The following CRPPA variants were observed in gnomAD, a reference collection of about 807,000 sequenced individuals.
CRPPA encodes the protein CDP-L-ribitol pyrophosphorylase A.
CRPPA carries 43 observed loss-of-function variants against 52.0 expected under a neutral mutation model. That is an observed-to-expected ratio of 0.83 (90% CI 0.65 to 1.07). CRPPA has a LOEUF of 1.07. Among genes scored for constraint, CRPPA ranks in the 50% least tolerant of loss-of-function variants. CRPPA has a pLI of 0.00. For synonymous variants in CRPPA, 250 were observed against 203.5 expected, an observed-to-expected ratio of 1.23 and a Z score of -1.94; for missense variants, 629 against 551.7, an observed-to-expected ratio of 1.14 and a Z score of -1.40.
Position 16,421,440 on chromosome 7 carries a change from G to T in CRPPA, c.-118C>A, listed in dbSNP as rs1396926636. On this transcript the variant is annotated 5_prime_UTR_variant, in exon 1 of 10. Transcript: ENST00000407010. ...GACCACGGAGAGGGACGCAGAGCGC[G>T]CAAGCAGAAGGCGCCCCCCTCAGCC... 7 of 1,023,000 alleles carry T rather than the reference G, an allele frequency of 6.8e-6. No homozygotes were observed. In the East Asian group the frequency reaches 1.1e-4, roughly 16 times the overall value. The allele number at this position is 1,023,000 out of a possible 1,614,324, so 63.4% of individuals were successfully genotyped here.
At chr7:16,384,625 C>G (rs10278294) in intron 2 of CRPPA, among the ~76,000 whole-genome samples, 2,283 of 152,340 alleles carry the variant, frequency 0.015, 63 homozygotes, top group African/African-American at 0.051. Flanking sequence ...GAGAGCCCCA[C>G]TGAAACCTTT....
intron 2 of CRPPA, among the ~76,000 whole-genome samples, chr7:16,380,461 T>A (rs1401593732): frequency 6.6e-6 from 1 of 152,176 alleles, no homozygotes; most frequent in Non-Finnish European, 1.5e-5. Context: ...CTTTTTTAGT[T>A]GTGTCTCTGC....
At chr7:16,118,436 T>G (rs954805341) in intron 9 of CRPPA, among the ~76,000 whole-genome samples, 1 of 152,182 alleles carries the variant, frequency 6.6e-6, no homozygotes, top group South Asian at 2.1e-4. Flanking sequence ...CCAGAAAACA[T>G]GCATCCAAGC....
chr7:16,120,814 T>A (rs1327528086), intron 9 of CRPPA, among the ~76,000 whole-genome samples: 1 of 152,044 alleles, frequency 6.6e-6, no homozygotes, highest in Non-Finnish European at 1.5e-5. Context: ...TCTTAATAGA[T>A]GATGAAGCAA....
chr7:16,265,560 A>G (rs2128414528), intron 6 of CRPPA, among the ~76,000 whole-genome samples: 1 of 152,312 alleles, frequency 6.6e-6, no homozygotes, highest in Non-Finnish European at 1.5e-5. Context: ...GTGTACTGTC[A>G]AGTCATTCAT....
intron 6 of CRPPA, chr7:16,270,149 A>C (rs544580725): frequency 1.3e-5 from 2 of 152,264 alleles, no homozygotes; most frequent in Non-Finnish European, 2.9e-5. Flanking sequence ...ATACATGCCC[A>C]AAAATTGGTG....
intron 3 of CRPPA, among the ~76,000 whole-genome samples, chr7:16,312,306 G>C (rs1017126493): frequency 6.6e-6 from 1 of 151,850 alleles, no homozygotes; most frequent in Non-Finnish European, 1.5e-5. Flanking sequence ...GAGTTTTGCA[G>C]TTTTCCTCAA....
At chr7:16,145,173 A>T (rs1006931092) in intron 9 of CRPPA, among the ~76,000 whole-genome samples, 1 of 152,140 alleles carries the variant, frequency 6.6e-6, no homozygotes, top group African/African-American at 2.4e-5. Context: ...AAGCAGTTCT[A>T]CCTATTTAGG....
At chr7:16,276,622 G>A (rs1263001819) in intron 6 of CRPPA, 1 of 152,164 alleles carries the variant, frequency 6.6e-6, no homozygotes, top group Non-Finnish European at 1.5e-5. Context: ...GGAATACTGT[G>A]CCCATGAGCC....
intron 1 of CRPPA, among the ~76,000 whole-genome samples, chr7:16,406,647 T>C (rs987523856): frequency 2.0e-5 from 3 of 152,204 alleles, no homozygotes; most frequent in African/African-American, 7.2e-5. Context: ...AATTAGAATA[T>C]AGATTGTATG....
At chr7:16,350,188 T>C (rs1248675525) in intron 3 of CRPPA, among the ~76,000 whole-genome samples, 1 of 152,064 alleles carries the variant, frequency 6.6e-6, no homozygotes, top group Non-Finnish European at 1.5e-5. Context: ...ATAAAGACAT[T>C]GTCATACAAA....
chr7:16,128,812 G>A (rs1782628963), intron 9 of CRPPA, among the ~76,000 whole-genome samples: 1 of 152,042 alleles, frequency 6.6e-6, no homozygotes, highest in African/African-American at 2.4e-5. Context: ...TATGGAAACA[G>A]AAAGCAAAGT....
chr7:16,398,176 C>T (rs1054014810), intron 2 of CRPPA, among the ~76,000 whole-genome samples: 2 of 151,952 alleles, frequency 1.3e-5, no homozygotes, highest in African/African-American at 2.4e-5. Flanking sequence ...GACACATGAT[C>T]GGCCTGTTGC....
intron 5 of CRPPA, among the ~76,000 whole-genome samples, chr7:16,291,846 C>T (rs963393517): frequency 6.6e-6 from 1 of 151,732 alleles, no homozygotes; most frequent in Admixed American, 6.6e-5. Flanking sequence ...AAATACATAC[C>T]AATTTTTAAA....
chr7:16,306,543 C>G (rs1270086388), intron 4 of CRPPA, among the ~76,000 whole-genome samples: 2 of 152,190 alleles, frequency 1.3e-5, no homozygotes, highest in East Asian at 1.9e-4. Flanking sequence ...GCTTTACAAA[C>G]TTGATGAGGG....
chr7:16,251,950 T>C (rs1436776032), intron 8 of CRPPA, among the ~76,000 whole-genome samples: 1 of 151,980 alleles, frequency 6.6e-6, no homozygotes, highest in Non-Finnish European at 1.5e-5. Flanking sequence ...GATGACATTT[T>C]GAAAAGATTG....
intron 9 of CRPPA, among the ~76,000 whole-genome samples, chr7:16,186,876 G>C (rs1781514624): frequency 6.6e-6 from 1 of 152,134 alleles, no homozygotes; most frequent in Non-Finnish European, 1.5e-5. Flanking sequence ...ACCATCAATG[G>C]ATTCAATGCA....
rs1187765005 is a variant in CRPPA at position 16,106,705 on chromosome 7, G to A, written c.1252-14906C>T. ...CTGTCTCAAATGTACAGACAACAAT[G>A]CAAAGACATAATAATTTAATAATTA... On this transcript the variant is annotated intron_variant, in intron 9 of 9. Coordinates refer to ENST00000407010, the MANE Select transcript of CRPPA (RefSeq NM_001101426.4). Among the ~76,000 whole-genome samples the A allele has an allele frequency of 3.3e-5, 5 of 152,118 alleles. No individual in the cohort carries two copies. The South Asian group carries it at 6.2e-4, about 19-fold the overall frequency.
chr7:16,134,018 G>C lies in CRPPA; in HGVS notation c.1252-42219C>G, dbSNP rs1408536141. Among the ~76,000 whole-genome samples, 3 of 123,008 alleles carry C rather than the reference G, an allele frequency of 2.4e-5. 1 individual carries two copies. The highest frequency in any genetic ancestry group is 5.5e-5 in the Non-Finnish European group (3 of 54,212). 80.7% of individuals were successfully genotyped at this position (123,008 alleles called of 152,430 possible). ...GCAATCTCGGCTCACTGTAAGCTCC[G>C]CTTCCCGGGTTCACGCCATTCTCCT... On this transcript the variant is annotated intron_variant, in intron 9 of 9. Transcript: ENST00000407010.
Sources: gnomAD v4.1 joint callset for allele counts (sites outside exome capture counted in the v4.1 genomes callset) on GRCh38, gnomAD v4.1.1 for gene constraint, MANE v1.5 for transcripts, NCBI Gene and HGNC (gene_info 2026-07-23, HGNC 2026-07-21) for gene names.